The following SLC35A3 variants were observed in gnomAD, a reference collection of about 807,000 sequenced individuals.
SLC35A3 encodes the protein solute carrier family 35 member A3.
SLC35A3 carries 26 observed loss-of-function variants against 39.0 expected under a neutral mutation model. The observed-to-expected ratio is 0.67, with a 90% confidence interval of 0.49 to 0.92. The LOEUF is 0.92. Ranked by LOEUF, SLC35A3 falls within the 40% of genes least tolerant of loss-of-function variation. The pLI is 0.00. For missense variants in SLC35A3, 299 were observed against 371.6 expected (o/e 0.80, Z 1.61); for synonymous variants, 135 against 133.1 (o/e 1.01, Z -0.10).
chr1:99,975,433 T>G (rs1657056164), intron 1 of SLC35A3, among the ~76,000 whole-genome samples: 1 of 152,134 alleles, frequency 6.6e-6, no homozygotes, highest in Non-Finnish European at 1.5e-5. Flanking sequence ...GTCAACAAAT[T>G]AGTCTGATAA....
intron 3 of SLC35A3, chr1:100,000,568 A>G (rs1423000463): frequency 1.3e-5 from 2 of 151,868 alleles, no homozygotes; most frequent in Non-Finnish European, 2.9e-5. Context: ...AGTTTAATAT[A>G]GTTCCATTAT....
At chr1:100,002,673 A>G (rs959641671) in intron 3 of SLC35A3, among the ~76,000 whole-genome samples, 4 of 152,080 alleles carry the variant, frequency 2.6e-5, no homozygotes, top group Non-Finnish European at 4.4e-5. Context: ...CTGGAGTGCC[A>G]TGGCACAGTC....
At chr1:100,007,217 T>C in intron 4 of SLC35A3, 61 bp downstream of exon 4, 1 of 1,399,386 alleles carries the variant, frequency 7.1e-7, no homozygotes, top group Non-Finnish European at 9.9e-7. Context: ...CCTTATTTAT[T>C]TTGTGTGGAG....
Position 99,970,859 on chromosome 1 carries a change from T to C in SLC35A3, c.-19+697T>C, listed in dbSNP as rs72965743. On this transcript the variant is annotated intron_variant, in intron 1 of 7. Coordinates refer to ENST00000533028, the MANE Select transcript of SLC35A3 (RefSeq NM_012243.3). ...TGCAGTTTCTTACTTGGTGTTCTTA[T>C]TCACTTTCACTGGTAAACTCAGGGT... 0.035 allele frequency among the ~76,000 whole-genome samples: 5,333 copies of C among 152,318 alleles called. 334 individuals are homozygous for C. Among genetic ancestry groups the C allele is most frequent in the African/African-American group, 0.12 (5,012 of 41,558 alleles).
chr1:100,015,412 G>C lies in SLC35A3; in HGVS notation c.745G>C (p.Val249Leu), dbSNP rs778856545. The C allele has an allele frequency of 1.9e-6, 3 of 1,602,480 alleles. No homozygotes were observed. The change falls in exon 6 of 8, where the codon GTT becomes CTT. Residue 249 changes from valine (V) to leucine (L), a missense_variant. Val to Leu is a conservative substitution (Grantham distance 32). Coordinates refer to ENST00000533028, the MANE Select transcript of SLC35A3 (RefSeq NM_012243.3). ...TAACCGACTGACCTGGATAGTAGTT[G>C]TTCTTCAGGTAAAGCATTTAAAGTC... ...GYNRLTWIVV[V>L]LQALGGLVIA... is the part of the protein sequence containing the mutation.
At position 100,024,713 on chromosome 1, in the gene SLC35A3, G is replaced by A. The variant is rs907473404; in HGVS notation, c.*2237G>A. On this transcript the variant is annotated 3_prime_UTR_variant, in exon 8 of 8. Transcript: ENST00000533028. ...GGCTTACTGCAACCTCCCACTCCCTGGTTCAAGGGATTCTCCTGCCTCAGC... is the reference window on the plus strand; with the variant it reads ...GGCTTACTGCAACCTCCCACTCCCTAGTTCAAGGGATTCTCCTGCCTCAGC... The A allele has an allele frequency of 5.1e-6, 2 of 393,934 alleles. No individual in the cohort carries two copies. The highest frequency in any genetic ancestry group is 8.9e-5 in the Admixed American group (2 of 22,464). The allele number at this position is 393,934 out of a possible 1,614,324, so 24.4% of individuals were successfully genotyped here. A position where few individuals can be genotyped will look rare whatever the true frequency, so the allele number is the denominator to read the frequency against.
At chr1:99,997,799 T>C (rs1658512100) in intron 2 of SLC35A3, among the ~76,000 whole-genome samples, 1 of 151,936 alleles carries the variant, frequency 6.6e-6, no homozygotes, top group African/African-American at 2.4e-5. Flanking sequence ...ATCTCTTTGA[T>C]AATCCAGCTG....
At chr1:100,015,258 A>G (rs1660015469) in intron 5 of SLC35A3, 44 bp from the exon 6 acceptor site, 1 of 1,478,652 alleles carries the variant, frequency 6.8e-7, no homozygotes, top group Admixed American at 2.3e-5. Flanking sequence ...ATATCTCTTC[A>G]GACAAACTAA....
chr1:100,027,346 G>T lies in SLC35A3; in HGVS notation c.*4870G>T, dbSNP rs1660967253. On this transcript the variant is annotated 3_prime_UTR_variant, in exon 8 of 8. Coordinates refer to ENST00000533028, the MANE Select transcript of SLC35A3 (RefSeq NM_012243.3). ...ATGCACCTGTGGGGCCAGCTACTCA[G>T]GAGGCTGAGGCAGAAGGATTGCTTG... 2 of 391,570 alleles carry T rather than the reference G, an allele frequency of 5.1e-6. No individual in the cohort carries two copies. Among genetic ancestry groups the T allele is most frequent in the East Asian group, 7.2e-5 (2 of 27,756 alleles). The allele number at this position is 391,570 out of a possible 1,614,324, so 24.3% of individuals were successfully genotyped here.
intron 7 of SLC35A3, 90 bp downstream of exon 7, chr1:100,017,905 G>A: frequency 1.5e-6 from 1 of 661,068 alleles, no homozygotes; most frequent in Non-Finnish European, 2.5e-6. Context: ...ATTTGAAGAA[G>A]CACTGAAATA....
At chr1:100,022,184 T>G (rs1660592265) in intron 7 of SLC35A3, among the ~76,000 whole-genome samples, 1 of 152,200 alleles carries the variant, frequency 6.6e-6, no homozygotes, top group Non-Finnish European at 1.5e-5. Flanking sequence ...CTTCATAGAT[T>G]TGCTGTGACA....
At chr1:99,977,329 C>G (rs563844149) in intron 1 of SLC35A3, among the ~76,000 whole-genome samples, 1 of 136,004 alleles carries the variant, frequency 7.4e-6, no homozygotes, top group African/African-American at 2.9e-5. Flanking sequence ...AACAGCCTGA[C>G]GAACATCGCG....
intron 6 of SLC35A3, among the ~76,000 whole-genome samples, chr1:100,017,253 A>G (rs1350844685): frequency 6.6e-6 from 1 of 152,204 alleles, no homozygotes; most frequent in Admixed American, 6.5e-5. Flanking sequence ...AAGGGGAGAA[A>G]CTATAGGAAA....
chr1:100,012,250 C>T (rs1275003953), intron 5 of SLC35A3, among the ~76,000 whole-genome samples: 1 of 151,948 alleles, frequency 6.6e-6, no homozygotes, highest in Non-Finnish European at 1.5e-5. Flanking sequence ...AAGTGTCTTA[C>T]ATATAGTGAG....
At chr1:100,004,694 T>C (rs1279664869) in intron 3 of SLC35A3, among the ~76,000 whole-genome samples, 2 of 152,014 alleles carry the variant, frequency 1.3e-5, no homozygotes, top group Admixed American at 6.5e-5. Flanking sequence ...TATTTACCTA[T>C]TTTTTAATTT....
chr1:100,027,465 CAAA>C lies in SLC35A3; in HGVS notation c.*4992_*4994del, dbSNP rs1442695846. 1 of 335,404 alleles carries C rather than the reference CAAA, an allele frequency of 3.0e-6. No homozygotes were observed. Among genetic ancestry groups the C allele is most frequent in the Non-Finnish European group, 5.3e-6 (1 of 187,206 alleles). The allele number at this position is 335,404 out of a possible 1,614,324, so 20.8% of individuals were successfully genotyped here. A position where few individuals can be genotyped will look rare whatever the true frequency, so the allele number is the denominator to read the frequency against. On this transcript the variant is annotated 3_prime_UTR_variant, in exon 8 of 8. Transcript: ENST00000533028. ...ACTCTGTCTCAAAAAACAAACAAAA[CAAA>C]AACTGAAACAACAAAAAAAGACTGG...
At chr1:100,001,073 G>A (rs1157093628) in intron 3 of SLC35A3, among the ~76,000 whole-genome samples, 1 of 152,030 alleles carries the variant, frequency 6.6e-6, no homozygotes, top group East Asian at 1.9e-4. Context: ...CTTTGTGCCT[G>A]TTATTAAACA....
intron 1 of SLC35A3, among the ~76,000 whole-genome samples, chr1:99,975,906 A>C (rs1657080406): frequency 6.6e-6 from 1 of 152,156 alleles, no homozygotes; most frequent in Admixed American, 6.5e-5. Flanking sequence ...CAAAAAATAA[A>C]AAAATTATCT....
At chr1:99,990,276 T>TA (rs1390959251) in intron 1 of SLC35A3, among the ~76,000 whole-genome samples, 1 of 152,034 alleles carries the variant, frequency 6.6e-6, no homozygotes, top group Admixed American at 6.6e-5. Flanking sequence ...GGTTATTTTT[T>TA]AAAAAATACG....
Sources: gnomAD v4.1 joint callset for allele counts (sites outside exome capture counted in the v4.1 genomes callset) on GRCh38, gnomAD v4.1.1 for gene constraint, MANE v1.5 for transcripts, NCBI Gene and HGNC (gene_info 2026-07-23, HGNC 2026-07-21) for gene names.